Variants in RBFOX1 observed in about 807,000 individuals in gnomAD.
The protein encoded by RBFOX1 is RNA binding fox-1 homolog 1, also known as RNA binding protein fox-1 homolog 1.
In RBFOX1, 8 loss-of-function variants were observed where a neutral mutation model predicts 57.7. That is an observed-to-expected ratio of 0.14 (90% CI 0.08 to 0.25). The LOEUF is 0.25. RBFOX1 is among the 10% of genes least tolerant of loss of function. The pLI is 1.00. For missense variants in RBFOX1, 611 were observed against 548.5 expected, an observed-to-expected ratio of 1.11 and a Z score of -1.14; for synonymous variants, 326 against 222.4, an observed-to-expected ratio of 1.47 and a Z score of -4.15.
intron 3 of RBFOX1, among the ~76,000 whole-genome samples, chr16:6,904,599 T>TAAAAA (rs71147623): frequency 2.4e-3 from 153 of 63,988 alleles, no homozygotes; most frequent in East Asian, 4.8e-3. Context: ...AGACTCTCTC[T>TAAAAA]AAAAAAAAAA....
At chr16:5,541,429 G>T (rs928215240) in intron 2 of RBFOX1, among the ~76,000 whole-genome samples, 7 of 152,028 alleles carry the variant, frequency 4.6e-5, no homozygotes, top group African/African-American at 1.7e-4. Context: ...AGGGAGACAT[G>T]GGACATTAAT....
At chr16:6,510,067 C>A (rs899383296) in intron 2 of RBFOX1, among the ~76,000 whole-genome samples, 2 of 152,226 alleles carry the variant, frequency 1.3e-5, no homozygotes, top group South Asian at 4.1e-4. Context: ...TCCTGTCTTC[C>A]TAGGGATGCT....
chr16:6,745,860 G>A (rs2073478930), intron 3 of RBFOX1, among the ~76,000 whole-genome samples: 1 of 152,166 alleles, frequency 6.6e-6, no homozygotes, highest in African/African-American at 2.4e-5. Context: ...TAGGCAGCGT[G>A]ATCATCTGTG....
chr16:6,965,676 C>T (rs1046962159), intron 3 of RBFOX1, among the ~76,000 whole-genome samples: 1 of 152,124 alleles, frequency 6.6e-6, no homozygotes, highest in Non-Finnish European at 1.5e-5. Flanking sequence ...AAATGTGAGT[C>T]CAGTGACTAT....
At chr16:5,301,750 C>T (rs568048097) in intron 1 of RBFOX1, among the ~76,000 whole-genome samples, 1 of 152,008 alleles carries the variant, frequency 6.6e-6, no homozygotes, top group African/African-American at 2.4e-5. Context: ...ATAAAAGAAC[C>T]ACGTATTACA....
At chr16:7,130,905 A>G (rs979343930) in intron 4 of RBFOX1, among the ~76,000 whole-genome samples, 1 of 152,196 alleles carries the variant, frequency 6.6e-6, no homozygotes, top group African/African-American at 2.4e-5. Context: ...TGACACAGCA[A>G]TGACTGCCTT....
At chr16:5,664,451 G>C (rs929068621) in intron 3 of RBFOX1, among the ~76,000 whole-genome samples, 2 of 152,090 alleles carry the variant, frequency 1.3e-5, no homozygotes, top group East Asian at 3.9e-4. Flanking sequence ...GGGAGGCTGA[G>C]GCAGACAATC....
chr16:6,850,380 G>C (rs1470611642), intron 3 of RBFOX1, among the ~76,000 whole-genome samples: 1 of 152,138 alleles, frequency 6.6e-6, no homozygotes, highest in Non-Finnish European at 1.5e-5. Flanking sequence ...ACCCTACTTA[G>C]GTAGGTTGGT....
chr16:6,570,104 G>A (rs531640924), intron 2 of RBFOX1, among the ~76,000 whole-genome samples: 1 of 152,242 alleles, frequency 6.6e-6, no homozygotes, highest in South Asian at 2.1e-4. Flanking sequence ...TTTAAATAAT[G>A]GACTACAGAG....
intron 3 of RBFOX1, among the ~76,000 whole-genome samples, chr16:6,940,828 G>A (rs1211222255): frequency 7.2e-6 from 1 of 139,008 alleles, no homozygotes; most frequent in Non-Finnish European, 1.5e-5. Flanking sequence ...GAGTACAGGC[G>A]CCTGCCACCA....
intron 2 of RBFOX1, among the ~76,000 whole-genome samples, chr16:5,569,110 A>T (rs1208511617): frequency 1.3e-5 from 2 of 151,582 alleles, no homozygotes; most frequent in Non-Finnish European, 2.9e-5. Flanking sequence ...TTGGTCTCCC[A>T]AAGTGCTGGG....
chr16:7,545,346 A>G (rs1243588526), intron 5 of RBFOX1, among the ~76,000 whole-genome samples: 6 of 151,756 alleles, frequency 4.0e-5, no homozygotes, highest in African/African-American at 9.7e-5. Flanking sequence ...ATTGTTTGCA[A>G]TCCTCTTGGC....
intron 4 of RBFOX1, among the ~76,000 whole-genome samples, chr16:7,293,990 C>A (rs768848692): frequency 6.6e-6 from 1 of 152,106 alleles, no homozygotes. Context: ...GACAACTCAT[C>A]TTGTACTTTA....
chr16:6,386,196 A>G (rs1356015709), intron 2 of RBFOX1, among the ~76,000 whole-genome samples: 1 of 152,074 alleles, frequency 6.6e-6, no homozygotes, highest in Non-Finnish European at 1.5e-5. Context: ...CGGCCTCCCA[A>G]AGTGCTCGGA....
chr16:6,719,421 G>C (rs2065486523), intron 3 of RBFOX1, among the ~76,000 whole-genome samples: 1 of 150,472 alleles, frequency 6.6e-6, no homozygotes, highest in African/African-American at 2.5e-5. Flanking sequence ...TTAAAGCATA[G>C]TTTCCTCATC....
intron 3 of RBFOX1, among the ~76,000 whole-genome samples, chr16:6,793,559 A>G (rs951264565): frequency 2.0e-5 from 3 of 152,126 alleles, no homozygotes; most frequent in African/African-American, 4.8e-5. Flanking sequence ...CTACATTTCA[A>G]TTCTTGGCCC....
At chr16:7,652,695 C>T (rs948445556) in intron 11 of RBFOX1, among the ~76,000 whole-genome samples, 59 of 152,312 alleles carry the variant, frequency 3.9e-4, no homozygotes, top group East Asian at 1.9e-3. Flanking sequence ...CATGAGCCAC[C>T]GCGCCCAGCC....
chr16:7,584,602 C>CTTGA (rs764652944), intron 6 of RBFOX1, among the ~76,000 whole-genome samples: 1 of 152,188 alleles, frequency 6.6e-6, no homozygotes, highest in East Asian at 1.9e-4. Flanking sequence ...GGATCCTGCT[C>CTTGA]TTGATACAGC....
chr16:6,391,369 G>A (rs2092592455), intron 2 of RBFOX1, among the ~76,000 whole-genome samples: 1 of 152,072 alleles, frequency 6.6e-6, no homozygotes, highest in East Asian at 1.9e-4. Flanking sequence ...AATTAGCCAG[G>A]CATGGCGGCG....
Sources: allele counts gnomAD v4.1 joint callset (sites outside exome capture counted in the v4.1 genomes callset), GRCh38; gene constraint gnomAD v4.1.1; transcripts MANE v1.5; gene names NCBI Gene and HGNC (gene_info 2026-07-23, HGNC 2026-07-21).